The following KRT24 variants were observed in gnomAD, a reference collection of about 807,000 sequenced individuals.
KRT24 encodes keratin 24.
Under a neutral mutation model 51.7 loss-of-function variants are expected in KRT24, and 44 were observed. The observed-to-expected ratio is 0.85, with a 90% CI of 0.67 to 1.09. The LOEUF (loss-of-function observed/expected upper bound fraction) is 1.09. Among genes scored for constraint, KRT24 ranks in the 50% least tolerant of loss-of-function variants. KRT24 has a pLI of 0.00. For missense variants in KRT24, 633 were observed against 647.0 expected (o/e 0.98, Z 0.24); for synonymous variants, 241 against 249.5 (o/e 0.97, Z 0.32).
At chr17:40,702,818 T>C (rs989092703) in intron 1 of KRT24, among the ~76,000 whole-genome samples, 1 of 152,338 alleles carries the variant, frequency 6.6e-6, no homozygotes, top group South Asian at 2.1e-4. Context: ...CATTCTTATA[T>C]ATAAATGATA....
At position 40,698,570 on chromosome 17, in the gene KRT24, G is replaced by C; in HGVS notation, c.1442C>G (p.Ser481Ter). 6 of 1,611,448 alleles carry C rather than the reference G, an allele frequency of 3.7e-6. 1 individual carries two copies. Among genetic ancestry groups the C allele is most frequent in the South Asian group, 3.3e-5 (3 of 90,848 alleles). ...TTGACCAGAACAGCTTCCAGATCTT[G>C]AGTCACCAGATACCAGATCCCTGGA... The part of the protein sequence containing the change: ...MGSRDLVSGD[S>*]RSGSCSGQGR... Residue 481 changes from serine to a stop codon, truncating the protein, a stop_gained, in exon 7 of 8, where the codon TCA becomes TGA. Coordinates refer to ENST00000264651, the MANE Select transcript of KRT24 (RefSeq NM_019016.3). LOFTEE classifies it high-confidence loss of function.
intron 3 of KRT24, 124 bp from the exon 4 acceptor site, chr17:40,700,507 G>T: frequency 7.0e-6 from 5 of 711,414 alleles, no homozygotes; most frequent in South Asian, 4.1e-5. Context: ...TCAAATCTAG[G>T]TATAATTTAC....
At chr17:40,699,132 C>T (rs2037643407) in intron 6 of KRT24, among the ~76,000 whole-genome samples, 1 of 152,180 alleles carries the variant, frequency 6.6e-6, no homozygotes, top group South Asian at 2.1e-4. Context: ...CTGCCTTGGC[C>T]TCCCAAAGTG....
At chr17:40,701,029 C>T in intron 3 of KRT24, 111 bp downstream of exon 3, 3 of 1,077,114 alleles carry the variant, frequency 2.8e-6, no homozygotes, top group Non-Finnish European at 4.1e-6. Context: ...TCCAGAGTAG[C>T]TGAGACTAAA....
rs2037702536 is a variant in KRT24, at chr17:40,703,145, A to C, written c.549T>G (p.Ser183=). The C allele has an allele frequency of 1.9e-6, 3 of 1,613,988 alleles. No homozygotes were observed. The East Asian group carries it at 6.7e-5, about 36-fold the overall frequency. The part of the protein sequence containing the change: ...KEWYDKYGPG[S]GDGGSGRDYS... ...AATCTCTTCCCGATCCACCGTCTCC[A>C]GACCCAGGCCCATATTTGTCATACC... The change falls in exon 1 of 8, where the codon TCT becomes TCG. Residue 183 remains serine (S), a synonymous_variant. Coordinates refer to ENST00000264651, the MANE Select transcript of KRT24 (RefSeq NM_019016.3).
rs200987443 is a variant in KRT24 at position 40,699,466 on chromosome 17, G to A, written c.1339C>T (p.Arg447Cys). Residue 447 changes from arginine (R) to cysteine (C), a missense_variant, in exon 6 of 8, where the codon CGC becomes TGC. Arg to Cys is a radical substitution (Grantham distance 180). Coordinates refer to ENST00000264651, the MANE Select transcript of KRT24 (RefSeq NM_019016.3). Reference sequence around the variant, plus strand: ...TACCCTCCCTCTCCATCGAGCAGGCGGCGGTAGGTCTCGATCTCCACCTCC... The same window carrying A: ...TACCCTCCCTCTCCATCGAGCAGGCAGCGGTAGGTCTCGATCTCCACCTCC... ...RLEVEIETYR[R>C]LLDGEGGGSS... 107 of 1,613,872 alleles carry A rather than the reference G, an allele frequency of 6.6e-5. No homozygotes were observed. The East Asian group carries it at 1.4e-3, about 22-fold the overall frequency.
chr17:40,701,931 G>T lies in KRT24; in HGVS notation c.618C>A (p.Ile206=). The T allele has an allele frequency of 1.3e-6, 2 of 1,529,274 alleles. No individual in the cohort carries two copies. The highest frequency in any genetic ancestry group is 1.8e-6 in the Non-Finnish European group (2 of 1,124,954). The allele number at this position is 1,529,274 out of a possible 1,614,324, so 94.7% of individuals were successfully genotyped here. The change falls in exon 2 of 8, where the codon ATC becomes ATA. Residue 206 remains isoleucine, a splice_region_variant and synonymous_variant. Coordinates refer to ENST00000264651, the MANE Select transcript of KRT24 (RefSeq NM_019016.3). ...YSIIEDLRNQ[I]IAATVENAGI... ...CAGCATTTTCAACAGTGGCAGCAAT[G>T]ATCTAAAAAAGATGTTAATAGTGAG...
rs1204000910 is a variant in KRT24, at chr17:40,703,244, G to A, written c.450C>T (p.Arg150=). ...EKQTMQNLND[R]LANYLDKVRA... ...TGACCTTGTCTAGGTAATTGGCCAA[G>A]CGGTCATTGAGGTTCTGCATGGTTT... Residue 150 remains arginine (R), a synonymous_variant, in exon 1 of 8, where the codon CGC becomes CGT. Transcript: ENST00000264651. The A allele has an allele frequency of 1.2e-6, 2 of 1,614,060 alleles. No homozygotes were observed. Among genetic ancestry groups the A allele is most frequent in the Non-Finnish European group, 1.7e-6 (2 of 1,180,012 alleles).
In KRT24 at chr17:40,701,882, C is replaced by CATT. The variant is rs201305125; in HGVS notation, c.664_666dup (p.Asn222dup). Reference sequence around the variant, plus strand: ...CTGAAGTCATCAGCAGCCAATCTGGCATTGTCAATGTGCAAAATGATCCCA... The same window carrying CATT: ...CTGAAGTCATCAGCAGCCAATCTGGCATTATTGTCAATGTGCAAAATGATCCCA... On this transcript the variant is annotated inframe_insertion, in exon 2 of 8. Transcript: ENST00000264651. 1 of 1,527,396 alleles carries CATT rather than the reference C, an allele frequency of 6.5e-7. No individual in the cohort carries two copies. Among genetic ancestry groups the CATT allele is most frequent in the East Asian group, 2.5e-5 (1 of 40,460 alleles). The allele number at this position is 1,527,396 out of a possible 1,614,324, so 94.6% of individuals were successfully genotyped here.
chr17:40,699,715 T>G (rs2037652862), intron 5 of KRT24, 54 bp from the exon 6 acceptor site: 2 of 1,513,422 alleles, frequency 1.3e-6, no homozygotes, highest in Admixed American at 3.4e-5. Flanking sequence ...ATTGGATGAT[T>G]TTTTAAAAAT....
At position 40,703,070 on chromosome 17, in the gene KRT24, T is replaced by C; in HGVS notation, c.615+9A>G. 1.9e-6 allele frequency: 3 copies of C among 1,573,772 alleles called. No individual in the cohort carries two copies. Among genetic ancestry groups the C allele is most frequent in the Non-Finnish European group, 2.6e-6 (3 of 1,162,116 alleles). On this transcript the variant is annotated intron_variant, in intron 1 of 7. Coordinates refer to ENST00000264651, the MANE Select transcript of KRT24 (RefSeq NM_019016.3). Reference sequence around the variant, plus strand: ...CAAATAATAGAAACTCAGGCACAGATAGTCTCACCTGGTTTCTGAGATCTT... The same window carrying C: ...CAAATAATAGAAACTCAGGCACAGACAGTCTCACCTGGTTTCTGAGATCTT...
Position 40,699,412 on chromosome 17 carries a change from T to C in KRT24, c.1361+32A>G, listed in dbSNP as rs759483833. The C allele has an allele frequency of 4.5e-6, 7 of 1,543,888 alleles. No homozygotes were observed. The East Asian group carries it at 9.0e-5, about 20-fold the overall frequency. On this transcript the variant is annotated intron_variant, in intron 6 of 7. Coordinates refer to ENST00000264651, the MANE Select transcript of KRT24 (RefSeq NM_019016.3). ...TTTATAAAATAAATTCACTAAGGTA[T>C]GCATTTTAGTTTGTTCATGACTTTG...
At chr17:40,700,765 G>C (rs1283926586) in intron 3 of KRT24, among the ~76,000 whole-genome samples, 1 of 151,846 alleles carries the variant, frequency 6.6e-6, no homozygotes, top group Non-Finnish European at 1.5e-5. Context: ...ATCATGCCCT[G>C]TTTATTTTTG....
At chr17:40,701,741 A>G (rs1322741946) in intron 2 of KRT24, 110 bp downstream of exon 2, 1 of 29,990 alleles carries the variant, frequency 3.3e-5, no homozygotes, top group Non-Finnish European at 6.3e-5. Flanking sequence ...ATATATATAT[A>G]TATATATATA....
Position 40,703,644 on chromosome 17 carries a change from G to C in KRT24, c.50C>G (p.Ser17Ter). ...ASSSRAGGSS[S>*]ARVSAGGSSF... ...GCTTCCACCAGCAGACACCCTGGCTGAGCTGCTGCCTCCAGCCCTGGAGGA... is the reference window on the plus strand; with the variant it reads ...GCTTCCACCAGCAGACACCCTGGCTCAGCTGCTGCCTCCAGCCCTGGAGGA... The change falls in exon 1 of 8, where the codon TCA becomes TGA. Residue 17 changes from serine to a stop codon, truncating the protein, a stop_gained. Transcript: ENST00000264651. LOFTEE classifies it high-confidence loss of function. 6.2e-7 allele frequency: 1 copy of C among 1,603,478 alleles called. No individual in the cohort carries two copies. Among genetic ancestry groups the C allele is most frequent in the Non-Finnish European group, 8.5e-7 (1 of 1,175,370 alleles).
chr17:40,703,456 C>G lies in KRT24; in HGVS notation c.238G>C (p.Ala80Pro). ...CCAAATCCTGTCCCAGAGCCTGAAG[C>G]TCCCCCAAAACCACCCCCTACTGAG... ...SCSVGGGFGGASGSGTGFGGG... is the reference protein window; with the variant it reads ...SCSVGGGFGGPSGSGTGFGGG... The change falls in exon 1 of 8, where the codon GCT (alanine) becomes CCT (proline). Residue 80 changes from alanine (A) to proline (P), a missense_variant. Ala to Pro is a conservative substitution (Grantham distance 27). Transcript: ENST00000264651. 6.3e-7 allele frequency: 1 copy of G among 1,583,834 alleles called. No individual in the cohort carries two copies. Among genetic ancestry groups the G allele is most frequent in the Non-Finnish European group, 8.7e-7 (1 of 1,154,260 alleles).
intron 6 of KRT24, among the ~76,000 whole-genome samples, chr17:40,699,068 G>T (rs2037642844): frequency 6.6e-6 from 1 of 152,074 alleles, no homozygotes. Context: ...GTAGAGACAG[G>T]ATTTCACCAT....
intron 6 of KRT24, 68 bp from the exon 7 acceptor site, chr17:40,698,718 G>T (rs1355350864): frequency 2.6e-6 from 2 of 780,166 alleles, no homozygotes; most frequent in East Asian, 2.4e-5. Context: ...CCGCCCCGGG[G>T]ATTCTTCATG....
At position 40,701,951 on chromosome 17, in the gene KRT24, A is replaced by T; in HGVS notation, c.616-18T>A. 3 of 1,390,760 alleles carry T rather than the reference A, an allele frequency of 2.2e-6. No homozygotes were observed. Among genetic ancestry groups the T allele is most frequent in the Non-Finnish European group, 3.0e-6 (3 of 1,003,208 alleles). 86.2% of individuals were successfully genotyped at this position (1,390,760 alleles called of 1,614,324 possible). On this transcript the variant is annotated intron_variant, in intron 1 of 7. Coordinates refer to ENST00000264651, the MANE Select transcript of KRT24 (RefSeq NM_019016.3). ...GCAATGATCTAAAAAAGATGTTAAT[A>T]GTGAGTGAATCACGAATGATTTTTA... is the stretch of plus-strand genomic sequence containing the variant.
Sources: allele counts gnomAD v4.1 joint callset (sites outside exome capture counted in the v4.1 genomes callset), GRCh38; gene constraint gnomAD v4.1.1; transcripts MANE v1.5; gene names NCBI Gene and HGNC (gene_info 2026-07-23, HGNC 2026-07-21).